The following SLC17A6 variants were observed in gnomAD, a reference collection of about 807,000 sequenced individuals.
SLC17A6 encodes the protein vesicular glutamate transporter 2.
A neutral mutation model predicts 67.1 loss-of-function variants in SLC17A6; 35 were observed. The observed-to-expected ratio is 0.52, with a 90% CI of 0.40 to 0.69. SLC17A6 has a LOEUF of 0.69. Ranked by LOEUF, SLC17A6 falls within the 30% of genes least tolerant of loss-of-function variation. SLC17A6 has a pLI of 0.00. For synonymous variants in SLC17A6, 285 were observed against 252.3 expected, an observed-to-expected ratio of 1.13 and a Z score of -1.23; for missense variants, 588 against 723.9, an observed-to-expected ratio of 0.81 and a Z score of 2.15.
chr11:22,345,317 T>A (rs1855864956), intron 3 of SLC17A6, among the ~76,000 whole-genome samples: 1 of 147,952 alleles, frequency 6.8e-6, no homozygotes, highest in Non-Finnish European at 1.5e-5. Flanking sequence ...CTCAAAAGAT[T>A]TTTTTTTTTT....
At chr11:22,345,453 G>A (rs1471087766) in intron 3 of SLC17A6, among the ~76,000 whole-genome samples, 2 of 151,776 alleles carry the variant, frequency 1.3e-5, no homozygotes, top group African/African-American at 4.8e-5. Flanking sequence ...TGGGACTACA[G>A]GTGTGAACCA....
chr11:22,365,945 C>T (rs1247866693), intron 7 of SLC17A6, among the ~76,000 whole-genome samples: 1 of 152,000 alleles, frequency 6.6e-6, no homozygotes, highest in African/African-American at 2.4e-5. Flanking sequence ...CAAACCTAAA[C>T]AATATTTTTA....
intron 3 of SLC17A6, among the ~76,000 whole-genome samples, chr11:22,351,241 T>C (rs10833747): frequency 0.21 from 32,257 of 152,022 alleles, 3,650 homozygotes; most frequent in Non-Finnish European, 0.26. Context: ...CATTCTTTCT[T>C]TTATTATATT....
chr11:22,348,526 A>T (rs2034325), intron 3 of SLC17A6, among the ~76,000 whole-genome samples: 32,158 of 152,144 alleles, frequency 0.21, 3,575 homozygotes, highest in Middle Eastern at 0.24. Context: ...GTAACAGAGA[A>T]CATGGTATTT....
chr11:22,364,896 T>C (rs983963999), intron 6 of SLC17A6, among the ~76,000 whole-genome samples: 13 of 152,186 alleles, frequency 8.5e-5, no homozygotes, highest in Non-Finnish European at 1.6e-4. Flanking sequence ...TTATAACTTT[T>C]GTCTGCCCAA....
Position 22,377,643 on chromosome 11 carries a change from A to G in SLC17A6, c.1652A>G (p.Asn551Ser), listed in dbSNP as rs7117340. 2,230 of 1,614,116 alleles carry G rather than the reference A, an allele frequency of 1.4e-3. 36 individuals carry two copies. In the African/African-American group the frequency reaches 0.026, roughly 19 times the overall value. Reference protein sequence around the residue: ...TKSYGATTQANGGWPSGWEKK... With the variant: ...TKSYGATTQASGGWPSGWEKK... ...TCTTATGGTGCCACAACACAGGCCA[A>G]TGGAGGTTGGCCTAGTGGTTGGGAA... Residue 551 changes from asparagine (N) to serine (S), a missense_variant, in exon 12 of 12, where the codon AAT becomes AGT. By Grantham distance (46) the Asn-to-Ser change is conservative. Coordinates refer to ENST00000263160, the MANE Select transcript of SLC17A6 (RefSeq NM_020346.3).
chr11:22,376,210 A>T, intron 10 of SLC17A6, 118 bp downstream of exon 10: 1 of 586,614 alleles, frequency 1.7e-6, no homozygotes, highest in East Asian at 3.0e-5. Flanking sequence ...ATGTTGAATA[A>T]TAGTCAAATA....
At chr11:22,377,322 C>A in intron 11 of SLC17A6, 83 bp from the exon 12 acceptor site, 1 of 1,264,442 alleles carries the variant, frequency 7.9e-7, no homozygotes, top group Non-Finnish European at 1.1e-6. Context: ...TATGAAAACT[C>A]AGTGGTGGTG....
At chr11:22,363,915 CTA>C (rs1856079661) in intron 6 of SLC17A6, among the ~76,000 whole-genome samples, 1 of 152,038 alleles carries the variant, frequency 6.6e-6, no homozygotes, top group Non-Finnish European at 1.5e-5. Flanking sequence ...GTTGGTATGG[CTA>C]TCCAATTAAA....
chr11:22,377,806 T>C lies in SLC17A6; in HGVS notation c.*66T>C, dbSNP rs1856249129. On this transcript the variant is annotated 3_prime_UTR_variant, in exon 12 of 12. Coordinates refer to ENST00000263160, the MANE Select transcript of SLC17A6 (RefSeq NM_020346.3). Reference sequence around the variant, plus strand: ...AATTCATTGTGATTGCACAAAAATTTTAAAAACACGTGATGTAAACTTGCA... The same window carrying C: ...AATTCATTGTGATTGCACAAAAATTCTAAAAACACGTGATGTAAACTTGCA... The C allele has an allele frequency of 8.3e-6, 11 of 1,326,126 alleles. No homozygotes were observed. In the South Asian group the frequency reaches 1.1e-4, roughly 13 times the overall value. 82.1% of individuals were successfully genotyped at this position (1,326,126 alleles called of 1,614,324 possible). A position where few individuals can be genotyped will look rare whatever the true frequency, so the allele number is the denominator to read the frequency against.
intron 3 of SLC17A6, among the ~76,000 whole-genome samples, chr11:22,355,219 A>T (rs1403868926): frequency 2.0e-5 from 3 of 152,230 alleles, no homozygotes; most frequent in Admixed American, 6.5e-5. Context: ...GAACCCAGGC[A>T]GTCTGGCTCA....
intron 11 of SLC17A6, among the ~76,000 whole-genome samples, chr11:22,377,060 T>C (rs1299258117): frequency 1.3e-5 from 2 of 152,120 alleles, no homozygotes; most frequent in Non-Finnish European, 2.9e-5. Flanking sequence ...TATATGTGTA[T>C]GCAGAGCTTT....
At chr11:22,368,921 T>G (rs1856143036) in intron 7 of SLC17A6, among the ~76,000 whole-genome samples, 1 of 152,062 alleles carries the variant, frequency 6.6e-6, no homozygotes, top group Admixed American at 6.6e-5. Flanking sequence ...TGCATATATT[T>G]ATGATCACCA....
At chr11:22,357,397 G>T (rs1205701994) in intron 3 of SLC17A6, among the ~76,000 whole-genome samples, 1 of 152,146 alleles carries the variant, frequency 6.6e-6, no homozygotes, top group African/African-American at 2.4e-5. Context: ...TACTAAGGGG[G>T]TGATTTTTCT....
rs1856250783 is a variant in SLC17A6 at position 22,378,001 on chromosome 11, G to C, written c.*261G>C. 2.1e-6 allele frequency: 1 copy of C among 486,274 alleles called. No individual in the cohort carries two copies. The highest frequency in any genetic ancestry group is 3.2e-5 in the East Asian group (1 of 31,218). The allele number at this position is 486,274 out of a possible 1,614,324, so 30.1% of individuals were successfully genotyped here. A position where few individuals can be genotyped will look rare whatever the true frequency, so the allele number is the denominator to read the frequency against. On this transcript the variant is annotated 3_prime_UTR_variant, in exon 12 of 12. Transcript: ENST00000263160. ...CTGGTCAAAATTGTAGAAACAAGTA[G>C]TTACCCATTGGATTCATATGAGCTA...
chr11:22,368,486 A>G (rs1055976991), intron 7 of SLC17A6, among the ~76,000 whole-genome samples: 2 of 152,070 alleles, frequency 1.3e-5, no homozygotes, highest in African/African-American at 2.4e-5. Flanking sequence ...TCAGAATACC[A>G]TAATCTTCCC....
chr11:22,341,658 A>G lies in SLC17A6; in HGVS notation c.217A>G (p.Ile73Val), dbSNP rs1161706677. 6.2e-6 allele frequency: 10 copies of G among 1,614,232 alleles called. No individual in the cohort carries two copies. The highest frequency in any genetic ancestry group is 8.5e-6 in the Non-Finnish European group (10 of 1,180,040). Residue 73 changes from isoleucine to valine, a missense_variant, in exon 2 of 12, where the codon ATC (isoleucine) becomes GTC (valine). This residue lies in a region of SLC17A6 where 117 missense variants were observed against 98.7 expected (regional missense o/e 1.19). Transcript: ENST00000263160. ...TCFGLPRRYIIAIMSGLGFCI... is the reference protein window; with the variant it reads ...TCFGLPRRYIVAIMSGLGFCI... Reference sequence around the variant, plus strand: ...CTTCGGCCTGCCCCGCCGCTACATTATCGCCATCATGAGCGGCCTGGGCTT... The same window carrying G: ...CTTCGGCCTGCCCCGCCGCTACATTGTCGCCATCATGAGCGGCCTGGGCTT...
Position 22,338,516 on chromosome 11 carries a change from A to G in SLC17A6, c.-18A>G. On this transcript the variant is annotated 5_prime_UTR_variant, in exon 1 of 12. Transcript: ENST00000263160. ...CACTATTTAAATCTGGCAAGAACTG[A>G]CAACAGTCTTTGCAAGAATGGAATC... The G allele has an allele frequency of 6.4e-7, 1 of 1,571,944 alleles. No homozygotes were observed. Among genetic ancestry groups the G allele is most frequent in the African/African-American group, 1.3e-5 (1 of 74,176 alleles).
intron 8 of SLC17A6, among the ~76,000 whole-genome samples, chr11:22,371,039 C>T (rs554599508): frequency 9.9e-5 from 15 of 152,040 alleles, no homozygotes; most frequent in Non-Finnish European, 1.0e-4. Context: ...CTAGAGAAAG[C>T]ATTTAAATTG....
Sources: allele counts gnomAD v4.1 joint callset (sites outside exome capture counted in the v4.1 genomes callset), GRCh38; gene constraint gnomAD v4.1.1; regional missense constraint gnomAD v4.1.1; transcripts MANE v1.5; gene names NCBI Gene and HGNC (gene_info 2026-07-23, HGNC 2026-07-21).